Variants in MYO3A observed in about 807,000 individuals in gnomAD.
MYO3A encodes the protein myosin IIIA, also known as myosin-IIIa.
In MYO3A, 180 loss-of-function variants were observed where a neutral mutation model predicts 192.7. The observed-to-expected ratio is 0.93, with a 90% CI of 0.83 to 1.06. The LOEUF is 1.06. Among genes scored for constraint, MYO3A ranks in the 50% least tolerant of loss-of-function variants. The pLI is 0.00. For synonymous variants in MYO3A, 628 were observed against 645.3 expected, an observed-to-expected ratio of 0.97 and a Z score of 0.41; for missense variants, 1,896 against 1,905.0, an observed-to-expected ratio of 1.00 and a Z score of 0.09.
chr10:25,964,350 T>C (rs913958387), intron 4 of MYO3A, among the ~76,000 whole-genome samples: 5 of 152,128 alleles, frequency 3.3e-5, no homozygotes, highest in African/African-American at 1.2e-4. Context: ...GTAGTCCCAG[T>C]TTTTATTAAT....
At chr10:26,153,095 T>C (rs530061499) in intron 23 of MYO3A, among the ~76,000 whole-genome samples, 1 of 152,356 alleles carries the variant, frequency 6.6e-6, no homozygotes. Context: ...GATTGTGGGT[T>C]GGTTGGTTCC....
Position 26,085,270 on chromosome 10 carries a change from ATT to A in MYO3A, c.1360-2926_1360-2925del, listed in dbSNP as rs1234496403. 6.0e-5 allele frequency among the ~76,000 whole-genome samples: 9 copies of A among 148,970 alleles called. No homozygotes were observed. In the East Asian group the frequency reaches 1.6e-3, roughly 27 times the overall value. ...TTGATTTATTTTTGCTCAGATTTTG[ATT>A]TTTTTTCCTTTCTTCTGCTAATTTT... On this transcript the variant is annotated intron_variant, in intron 14 of 34. Transcript: ENST00000642920.
At position 25,994,140 on chromosome 10, in the gene MYO3A, G is replaced by A. The variant is rs539787565; in HGVS notation, c.304-2350G>A. 3.9e-5 allele frequency among the ~76,000 whole-genome samples: 6 copies of A among 152,158 alleles called. No homozygotes were observed. The South Asian group carries it at 1.2e-3, about 32-fold the overall frequency. On this transcript the variant is annotated intron_variant, in intron 4 of 34. Coordinates refer to ENST00000642920, the MANE Select transcript of MYO3A (RefSeq NM_017433.5). Reference sequence around the variant, plus strand: ...TTAAAGTCTCCCATTATTATTGTGTGGGAGTCTAAGTCTCTTTGTAGGTCT... The same window carrying A: ...TTAAAGTCTCCCATTATTATTGTGTAGGAGTCTAAGTCTCTTTGTAGGTCT...
chr10:26,197,919 C>G (rs1843492560), intron 32 of MYO3A, among the ~76,000 whole-genome samples: 1 of 152,192 alleles, frequency 6.6e-6, no homozygotes, highest in African/African-American at 2.4e-5. Context: ...TGTGTGACTT[C>G]CCCCTCTAAA....
chr10:26,100,915 C>T (rs935725011), intron 17 of MYO3A, among the ~76,000 whole-genome samples: 2 of 152,136 alleles, frequency 1.3e-5, no homozygotes, highest in Non-Finnish European at 2.9e-5. Context: ...GTTAGGTCTG[C>T]TTGTTGCAGA....
At chr10:26,028,993 G>C (rs2131135601) in intron 10 of MYO3A, among the ~76,000 whole-genome samples, 1 of 152,246 alleles carries the variant, frequency 6.6e-6, no homozygotes, top group African/African-American at 2.4e-5. Flanking sequence ...ATTTCCATCT[G>C]TCCTAGTATT....
At chr10:26,062,776 C>G (rs538804913) in intron 10 of MYO3A, among the ~76,000 whole-genome samples, 1 of 151,998 alleles carries the variant, frequency 6.6e-6, no homozygotes, top group South Asian at 2.1e-4. Flanking sequence ...ATACAGCAAG[C>G]TACACAGGAA....
intron 32 of MYO3A, among the ~76,000 whole-genome samples, chr10:26,193,939 C>A (rs1202414046): frequency 2.0e-5 from 3 of 152,110 alleles, no homozygotes; most frequent in African/African-American, 7.2e-5. Flanking sequence ...GATCGCCTGG[C>A]CTTCTTCTCA....
chr10:26,117,961 A>G (rs1044096284), intron 17 of MYO3A, among the ~76,000 whole-genome samples: 1 of 152,186 alleles, frequency 6.6e-6, no homozygotes, highest in African/African-American at 2.4e-5. Flanking sequence ...TCCCACCAAC[A>G]GTGTAGGAGC....
At chr10:26,197,413 G>A (rs531137598) in intron 32 of MYO3A, among the ~76,000 whole-genome samples, 1 of 152,300 alleles carries the variant, frequency 6.6e-6, no homozygotes, top group Non-Finnish European at 1.5e-5. Flanking sequence ...TTATCAAAAA[G>A]AACAGTCTAT....
At chr10:26,102,746 G>C (rs1185829054) in intron 17 of MYO3A, among the ~76,000 whole-genome samples, 1 of 152,192 alleles carries the variant, frequency 6.6e-6, no homozygotes, top group Non-Finnish European at 1.5e-5. Context: ...ATTGCTGCCT[G>C]ATCCTTCCTC....
At chr10:25,992,053 A>G (rs1370610493) in intron 4 of MYO3A, among the ~76,000 whole-genome samples, 1 of 152,250 alleles carries the variant, frequency 6.6e-6, no homozygotes, top group East Asian at 1.9e-4. Context: ...CTGTGAAGAA[A>G]GGCATTGGTA....
chr10:26,155,114 T>A (rs1017906055), intron 25 of MYO3A, among the ~76,000 whole-genome samples: 3 of 152,200 alleles, frequency 2.0e-5, no homozygotes, highest in African/African-American at 7.2e-5. Context: ...CTAAAAGGAT[T>A]TTTACTTCAA....
intron 10 of MYO3A, among the ~76,000 whole-genome samples, chr10:26,062,475 C>T (rs1006382800): frequency 8.0e-6 from 1 of 124,798 alleles, no homozygotes; most frequent in Non-Finnish European, 1.7e-5. Context: ...CGAGATCACA[C>T]CACTGCACTC....
chr10:26,126,671 A>G (rs1839237560), intron 19 of MYO3A, among the ~76,000 whole-genome samples: 1 of 152,190 alleles, frequency 6.6e-6, no homozygotes, highest in Admixed American at 6.6e-5. Context: ...ATATTCCAGA[A>G]AATGTAGGCA....
chr10:26,032,541 G>C (rs1482392308), intron 10 of MYO3A, among the ~76,000 whole-genome samples: 1 of 151,980 alleles, frequency 6.6e-6, no homozygotes, highest in East Asian at 1.9e-4. Context: ...GCTTGAACCA[G>C]GGAGGCGGAG....
intron 17 of MYO3A, among the ~76,000 whole-genome samples, chr10:26,109,027 G>A (rs1342028272): frequency 2.0e-5 from 3 of 152,140 alleles, no homozygotes; most frequent in Non-Finnish European, 4.4e-5. Context: ...TTTCCAGACA[G>A]TTATTTGATA....
chr10:25,946,537 T>G (rs912708465), intron 2 of MYO3A, among the ~76,000 whole-genome samples: 2 of 151,490 alleles, frequency 1.3e-5, no homozygotes, highest in African/African-American at 4.8e-5. Context: ...TTTTTTTGTC[T>G]TTGTCTTTTC....
intron 10 of MYO3A, among the ~76,000 whole-genome samples, chr10:26,041,545 T>C (rs1384268052): frequency 3.3e-5 from 5 of 151,020 alleles, no homozygotes; most frequent in Non-Finnish European, 7.4e-5. Context: ...GGTAATTTTC[T>C]CTGGTGGTAT....
Sources: allele counts gnomAD v4.1 joint callset (sites outside exome capture counted in the v4.1 genomes callset), GRCh38; gene constraint gnomAD v4.1.1; transcripts MANE v1.5; gene names NCBI Gene and HGNC (gene_info 2026-07-23, HGNC 2026-07-21).